The following IGSF5 variants were observed in gnomAD, a reference collection of about 807,000 sequenced individuals.
IGSF5 encodes immunoglobulin superfamily 5 like.
Under a neutral mutation model 39.4 loss-of-function variants are expected in IGSF5, and 41 were observed. That is an observed-to-expected ratio of 1.04 (90% CI 0.81 to 1.35). IGSF5 has a LOEUF of 1.35. Ranked by LOEUF, IGSF5 falls within the 40% of genes most tolerant of loss-of-function variation. The pLI, the probability that IGSF5 is intolerant of heterozygous loss-of-function variation, is 0.00. For synonymous variants in IGSF5, 183 were observed against 175.3 expected (o/e 1.04, Z -0.34); for missense variants, 487 against 494.6 (o/e 0.98, Z 0.15).
chr21:39,778,546 GAATT>G (rs1437019730), intron 4 of IGSF5, among the ~76,000 whole-genome samples: 1 of 152,164 alleles, frequency 6.6e-6, no homozygotes, highest in Non-Finnish European at 1.5e-5. Context: ...GCTGTGTGAG[GAATT>G]AATTTGAGGA....
intron 6 of IGSF5, 51 bp downstream of exon 6, chr21:39,788,239 A>G: frequency 2.2e-6 from 3 of 1,343,892 alleles, no homozygotes; most frequent in Non-Finnish European, 3.2e-6. Flanking sequence ...AAAAAATTGA[A>G]CAACAACAAT....
the IGSF5 span, among the ~76,000 whole-genome samples, chr21:39,735,436 T>C: frequency 6.6e-6 from 1 of 152,246 alleles, no homozygotes; most frequent in Admixed American, 6.5e-5. Context: ...AGAAAACTGC[T>C]ATTTGTATAG....
At chr21:39,795,430 C>G (rs568176641) in intron 8 of IGSF5, among the ~76,000 whole-genome samples, 1 of 152,078 alleles carries the variant, frequency 6.6e-6, no homozygotes, top group African/African-American at 2.4e-5. Context: ...CTTTGTCTAT[C>G]AAGTGTGTTT....
chr21:39,759,593 G>A (rs976601187), intron 2 of IGSF5, among the ~76,000 whole-genome samples: 39 of 152,134 alleles, frequency 2.6e-4, no homozygotes, highest in Non-Finnish European at 1.6e-4. Flanking sequence ...CAGGCTGGGT[G>A]TGGTGGCTCA....
chr21:39,752,878 T>G (rs1040360833), intron 2 of IGSF5, among the ~76,000 whole-genome samples: 5 of 152,220 alleles, frequency 3.3e-5, no homozygotes, highest in African/African-American at 1.2e-4. Context: ...TTGTTTTAGT[T>G]CCTTGTAGAT....
chr21:39,758,180 G>T (rs899200953), intron 2 of IGSF5, among the ~76,000 whole-genome samples: 1 of 152,104 alleles, frequency 6.6e-6, no homozygotes, highest in African/African-American at 2.4e-5. Flanking sequence ...TGGAGTGTAG[G>T]GGGAAGACAA....
intron 3 of IGSF5, among the ~76,000 whole-genome samples, chr21:39,770,676 T>TTG (rs78995799): frequency 0.31 from 47,211 of 151,630 alleles, 7,893 homozygotes; most frequent in Non-Finnish European, 0.39. Flanking sequence ...CTATGTAACT[T>TTG]TGCTTTCTTG....
chr21:39,763,025 T>C (rs2080068880), intron 2 of IGSF5, among the ~76,000 whole-genome samples: 1 of 152,038 alleles, frequency 6.6e-6, no homozygotes, highest in African/African-American at 2.4e-5. Context: ...CAGGTGACTG[T>C]GGGATTCAGG....
chr21:39,726,955 G>A, the IGSF5 span, among the ~76,000 whole-genome samples: 1 of 152,170 alleles, frequency 6.6e-6, no homozygotes, highest in East Asian at 1.9e-4. Flanking sequence ...AAAGGCCATT[G>A]ATGGCTCAGC....
Position 39,792,083 on chromosome 21 carries a change from T to C in IGSF5, c.1032T>C (p.Asp344=). 1 of 1,609,220 alleles carries C rather than the reference T, an allele frequency of 6.2e-7. No individual in the cohort carries two copies. Among genetic ancestry groups the C allele is most frequent in the Admixed American group, 1.7e-5 (1 of 59,668 alleles). Residue 344 remains aspartate (D), a synonymous_variant, in exon 7 of 9, where the codon GAT becomes GAC. Coordinates refer to ENST00000380588, the MANE Select transcript of IGSF5 (RefSeq NM_001080444.2). The stretch of plus-strand genomic sequence containing the variant: ...ATGAAAACTCCGGCTACAATTCAGA[T>C]GAACAAAAGACCACAGGTGAGTAGA... The part of the protein sequence containing the change: ...SGNENSGYNS[D]EQKTTDTASL...
At chr21:39,712,052 A>G in the IGSF5 span, among the ~76,000 whole-genome samples, 1 of 152,136 alleles carries the variant, frequency 6.6e-6, no homozygotes, top group African/African-American at 2.4e-5. Flanking sequence ...ACTGGGAGCA[A>G]TCATAAGTAG....
chr21:39,763,219 T>G (rs1165917318), intron 2 of IGSF5, among the ~76,000 whole-genome samples: 1 of 152,122 alleles, frequency 6.6e-6, no homozygotes, highest in African/African-American at 2.4e-5. Context: ...TGTCCTCCAG[T>G]GTTTATTCTG....
chr21:39,721,703 C>T, the IGSF5 span, among the ~76,000 whole-genome samples: 1 of 150,992 alleles, frequency 6.6e-6, no homozygotes, highest in African/African-American at 2.4e-5. Context: ...TCCTTCCTTC[C>T]TTCCTTCCTT....
At position 39,776,127 on chromosome 21, in the gene IGSF5, C is replaced by T. The variant is rs139585914; in HGVS notation, c.719-2963C>T. Among the ~76,000 whole-genome samples, 6 of 152,154 alleles carry T rather than the reference C, an allele frequency of 3.9e-5. No homozygotes were observed. In the East Asian group the frequency reaches 9.6e-4, roughly 24 times the overall value. The stretch of plus-strand genomic sequence containing the variant: ...TGGCTATGATCTATTTTTCAGTATA[C>T]AGTAAATGCACTCTTTTTAAAAAAA... On this transcript the variant is annotated intron_variant, in intron 4 of 8. Coordinates refer to ENST00000380588, the MANE Select transcript of IGSF5 (RefSeq NM_001080444.2).
At chr21:39,752,378 G>A (rs1295799935) in intron 2 of IGSF5, among the ~76,000 whole-genome samples, 3 of 152,058 alleles carry the variant, frequency 2.0e-5, no homozygotes, top group Admixed American at 6.5e-5. Flanking sequence ...GTAGTCCATG[G>A]TGTATATATA....
intron 2 of IGSF5, among the ~76,000 whole-genome samples, chr21:39,748,056 T>A (rs2079984526): frequency 6.6e-6 from 1 of 152,208 alleles, no homozygotes; most frequent in Non-Finnish European, 1.5e-5. Flanking sequence ...TATGGCCATT[T>A]TCTGTGGAGG....
intron 2 of IGSF5, among the ~76,000 whole-genome samples, chr21:39,749,836 C>T (rs888899203): frequency 6.6e-6 from 1 of 152,182 alleles, no homozygotes; most frequent in African/African-American, 2.4e-5. Flanking sequence ...CTCAATGAAT[C>T]TGTATTTTTA....
chr21:39,758,955 CA>C (rs1215973483), intron 2 of IGSF5, among the ~76,000 whole-genome samples: 1 of 152,218 alleles, frequency 6.6e-6, no homozygotes, highest in Admixed American at 6.5e-5. Flanking sequence ...ACAAAGTGAG[CA>C]CATTTGTATG....
At chr21:39,779,736 C>A (rs2080160184) in intron 5 of IGSF5, among the ~76,000 whole-genome samples, 1 of 152,190 alleles carries the variant, frequency 6.6e-6, no homozygotes, top group Non-Finnish European at 1.5e-5. Context: ...AGAAGAAAAT[C>A]TTGTCCTTTG....
Sources: allele counts gnomAD v4.1 joint callset (sites outside exome capture counted in the v4.1 genomes callset), GRCh38; gene constraint gnomAD v4.1.1; transcripts MANE v1.5; gene names NCBI Gene and HGNC (gene_info 2026-07-23, HGNC 2026-07-21).